PACS2: variants seen among roughly 807,000 people sequenced by gnomAD.
PACS2 encodes the protein PACS1-like protein.
A neutral mutation model predicts 113.0 loss-of-function variants in PACS2; 36 were observed. That is an observed-to-expected ratio of 0.32 (90% CI 0.24 to 0.42). The LOEUF (loss-of-function observed/expected upper bound fraction) is 0.42. PACS2 is among the 10% of genes least tolerant of loss of function. PACS2 has a pLI of 1.00. For synonymous variants in PACS2, 589 were observed against 536.1 expected, an observed-to-expected ratio of 1.10 and a Z score of -1.36; for missense variants, 1,015 against 1,239.5, an observed-to-expected ratio of 0.82 and a Z score of 2.72.
At chr14:105,361,407 C>T (rs587604564) in intron 4 of PACS2, among the ~76,000 whole-genome samples, 11 of 152,262 alleles carry the variant, frequency 7.2e-5, no homozygotes, top group African/African-American at 1.7e-4. Context: ...CAGGCCAGGG[C>T]GGGTGGATTA....
intron 4 of PACS2, among the ~76,000 whole-genome samples, chr14:105,361,347 G>GA (rs142953704): frequency 6.6e-6 from 1 of 151,852 alleles, no homozygotes; most frequent in East Asian, 1.9e-4. Context: ...TACAAAAAAA[G>GA]AAAAAAAGGC....
At chr14:105,367,581 C>T (rs1555408253) in intron 5 of PACS2, among the ~76,000 whole-genome samples, 5 of 152,254 alleles carry the variant, frequency 3.3e-5, no homozygotes, top group Non-Finnish European at 7.3e-5. Flanking sequence ...GTTCTGCCCC[C>T]GTGGCTGCAG....
chr14:105,382,169 G>C (rs1022067304), intron 13 of PACS2, 111 bp downstream of exon 13: 83 of 1,230,874 alleles, frequency 6.7e-5, no homozygotes, highest in Admixed American at 2.1e-4. Flanking sequence ...CTGGGCCACA[G>C]AGCATGCCTG....
intron 7 of PACS2, among the ~76,000 whole-genome samples, chr14:105,368,744 C>G (rs1006815422): frequency 3.9e-5 from 6 of 152,230 alleles, no homozygotes; most frequent in Non-Finnish European, 8.8e-5. Context: ...TGGCTTTAGC[C>G]TTGTGTGGCC....
chr14:105,348,365 C>T lies in PACS2; in HGVS notation c.120-128C>T, dbSNP rs782733133. On this transcript the variant is annotated intron_variant, in intron 1 of 24. Transcript: ENST00000447393. The surrounding 1 kb of genome is among the most constrained non-coding windows in gnomAD (Gnocchi z 6.4). ...AGCCCTGTGAGGTCCTGGGGCCGCC[C>T]AGGCAGTCACACCCCGCCCTGCACC... is the stretch of plus-strand genomic sequence containing the variant. 158 of 655,470 alleles carry T rather than the reference C, an allele frequency of 2.4e-4. No homozygotes were observed. The highest frequency in any genetic ancestry group is 4.2e-4 in the Non-Finnish European group (157 of 376,652). The allele number at this position is 655,470 out of a possible 1,614,324, so 40.6% of individuals were successfully genotyped here.
chr14:105,329,251 G>T lies in PACS2; in HGVS notation c.119+14214G>T, dbSNP rs1204467822. ...GCCTTTCCGGGGGTGCCTGTGGTTT[G>T]CAGGGGCCTGGCTGCAGCTGCCCTG... On this transcript the variant is annotated intron_variant, in intron 1 of 24. Transcript: ENST00000447393. This position sits in a 1 kb window ranked among gnomAD's most constrained non-coding sequence, Gnocchi z 6.4. Among the ~76,000 whole-genome samples, 2 of 152,224 alleles carry T rather than the reference G, an allele frequency of 1.3e-5. No homozygotes were observed. Among genetic ancestry groups the T allele is most frequent in the African/African-American group, 2.4e-5 (1 of 41,460 alleles).
Position 105,314,916 on chromosome 14 carries a change from G to GCCATGGCCGAGCGAGGCCGCCT in PACS2, c.-1_21dup. 9.6e-7 allele frequency: 1 copy of GCCATGGCCGAGCGAGGCCGCCT among 1,036,806 alleles called. No homozygotes were observed. The highest frequency in any genetic ancestry group is 1.2e-6 in the Non-Finnish European group (1 of 862,324). 64.2% of individuals were successfully genotyped at this position (1,036,806 alleles called of 1,614,324 possible). A position where few individuals can be genotyped will look rare whatever the true frequency, so the allele number is the denominator to read the frequency against. On this transcript the variant is annotated 5_prime_UTR_variant, in exon 1 of 25. In the 5' UTR this introduces an upstream ATG that the reference lacks. Transcript: ENST00000447393. ...CCGCCGAGGGAGCGGCGGGGCCGGC[G>GCCATGGCCGAGCGAGGCCGCCT]CCATGGCCGAGCGAGGCCGCCTCGG...
chr14:105,333,682 T>C (rs587706569), intron 1 of PACS2, among the ~76,000 whole-genome samples: 42 of 152,322 alleles, frequency 2.8e-4, no homozygotes, highest in Admixed American at 1.3e-3. Flanking sequence ...CCGTGGGCCA[T>C]TGGGGAGGGA....
At chr14:105,382,202 ACAG>A in intron 13 of PACS2, 144 bp downstream of exon 13, 9 of 987,386 alleles carry the variant, frequency 9.1e-6, no homozygotes, top group African/African-American at 1.6e-5. Flanking sequence ...CTCCTGCTAC[ACAG>A]CAGGGCGGGC....
At chr14:105,375,463 C>T (rs587774879) in intron 8 of PACS2, among the ~76,000 whole-genome samples, 111 of 122,726 alleles carry the variant, frequency 9.0e-4, no homozygotes, top group African/African-American at 3.6e-3. Flanking sequence ...GGGCAACAGA[C>T]AGTGCGAGAC....
chr14:105,362,711 C>T (rs943884381), intron 4 of PACS2, among the ~76,000 whole-genome samples: 1 of 151,746 alleles, frequency 6.6e-6, no homozygotes, highest in African/African-American at 2.4e-5. Flanking sequence ...ATTAGCCAGG[C>T]GTGGTGGCGG....
Position 105,381,944 on chromosome 14 carries a change from C to A in PACS2, c.1299C>A (p.Gly433=). 1 of 1,550,894 alleles carries A rather than the reference C, an allele frequency of 6.4e-7. No homozygotes were observed. Among genetic ancestry groups the A allele is most frequent in the Non-Finnish European group, 8.7e-7 (1 of 1,147,144 alleles). The change falls in exon 13 of 25, where the codon GGC becomes GGA. Residue 433 remains glycine (G), a synonymous_variant. Coordinates refer to ENST00000447393, the MANE Select transcript of PACS2 (RefSeq NM_001100913.3). ...RSEGKQAGRR[G]RSTSLKERQA... ...AGGGGAAGCAGGCTGGCCGACGGGG[C>A]CGGAGCACATCCTTGAAGGAGCGGC...
intron 8 of PACS2, chr14:105,372,947 A>G (rs1386102650): frequency 6.6e-6 from 1 of 152,230 alleles, no homozygotes; most frequent in Admixed American, 6.5e-5. Context: ...ATATTTGCAA[A>G]TAACATACCT....
chr14:105,392,948 G>T, intron 23 of PACS2, 103 bp downstream of exon 23: 1 of 930,648 alleles, frequency 1.1e-6, no homozygotes, highest in Non-Finnish European at 1.7e-6. Context: ...GCTGGCCTCG[G>T]GCAGCCCACA....
At chr14:105,352,592 C>T in intron 3 of PACS2, 125 bp downstream of exon 3, 2 of 595,944 alleles carry the variant, frequency 3.4e-6, no homozygotes, top group Non-Finnish European at 6.1e-6. Context: ...GATGGGCCCC[C>T]CTCATCAGTG....
At chr14:105,341,196 G>A (rs755982656) in intron 1 of PACS2, among the ~76,000 whole-genome samples, 6 of 152,244 alleles carry the variant, frequency 3.9e-5, no homozygotes, top group Non-Finnish European at 7.3e-5. Context: ...TGGCAGGCCT[G>A]TGGGTTTTTG....
rs1345434820 is a variant in PACS2 at position 105,392,403 on chromosome 14, C to G, written c.2256-216C>G. 3 of 580,220 alleles carry G rather than the reference C, an allele frequency of 5.2e-6. No homozygotes were observed. In the African/African-American group the frequency reaches 5.6e-5, roughly 11 times the overall value. 35.9% of individuals were successfully genotyped at this position (580,220 alleles called of 1,614,324 possible). On this transcript the variant is annotated intron_variant, in intron 22 of 24. Transcript: ENST00000447393. ...ACAGGCCTCCCAGGCCGAGGCTCTC[C>G]TGTCGCCAGGGTCCCTGTAATTTAA...
intron 4 of PACS2, among the ~76,000 whole-genome samples, chr14:105,361,849 T>C (rs1555406543): frequency 6.6e-6 from 1 of 152,122 alleles, no homozygotes; most frequent in African/African-American, 2.4e-5. Context: ...CTCAGGAGGC[T>C]GAGGCAGGAG....
At chr14:105,342,461 G>T (rs1046734193) in intron 1 of PACS2, among the ~76,000 whole-genome samples, 1 of 151,786 alleles carries the variant, frequency 6.6e-6, no homozygotes, top group African/African-American at 2.4e-5. Flanking sequence ...TAGAGACAGG[G>T]TTTCGCCATG....
Sources: allele counts gnomAD v4.1 joint callset (sites outside exome capture counted in the v4.1 genomes callset), GRCh38; gene constraint gnomAD v4.1.1; non-coding constraint Gnocchi (gnomAD v3.1); transcripts MANE v1.5; gene names NCBI Gene and HGNC (gene_info 2026-07-23, HGNC 2026-07-21).